The following ERBB4 variants were observed in gnomAD, a reference collection of about 807,000 sequenced individuals.
The protein encoded by ERBB4 is erb-b2 receptor tyrosine kinase 4.
A neutral mutation model predicts 158.0 loss-of-function variants in ERBB4; 42 were observed. The ratio of observed to expected loss-of-function variants is 0.27; its 90% confidence interval spans 0.21 to 0.34. The LOEUF is 0.34. ERBB4 is among the 10% of genes least tolerant of loss of function. The pLI, the probability that ERBB4 is intolerant of heterozygous loss-of-function variation, is 1.00. For missense variants in ERBB4, 1,333 were observed against 1,624.1 expected (o/e 0.82, Z 3.08); for synonymous variants, 583 against 558.7 (o/e 1.04, Z -0.61).
intron 1 of ERBB4, among the ~76,000 whole-genome samples, chr2:212,511,266 A>T (rs923951936): frequency 2.0e-5 from 3 of 152,126 alleles, no homozygotes; most frequent in Non-Finnish European, 2.9e-5. Context: ...ATTCCCTATT[A>T]GGCTTCCAAA....
chr2:212,073,562 G>C (rs1356047855), intron 2 of ERBB4, among the ~76,000 whole-genome samples: 1 of 151,898 alleles, frequency 6.6e-6, no homozygotes, highest in Non-Finnish European at 1.5e-5. Context: ...ATAAACACTA[G>C]TTCTCATTCA....
intron 20 of ERBB4, among the ~76,000 whole-genome samples, chr2:211,499,330 C>G (rs1168968421): frequency 6.6e-6 from 1 of 152,004 alleles, no homozygotes; most frequent in Non-Finnish European, 1.5e-5. Flanking sequence ...CGAGACCATC[C>G]TGGACAACAT....
intron 2 of ERBB4, among the ~76,000 whole-genome samples, chr2:212,045,871 T>C (rs983448284): frequency 6.6e-6 from 1 of 152,184 alleles, no homozygotes; most frequent in Admixed American, 6.5e-5. Flanking sequence ...ACCAGTAATA[T>C]ATATATCCTT....
chr2:211,923,893 T>C, intron 3 of ERBB4, among the ~76,000 whole-genome samples: 1 of 152,114 alleles, frequency 6.6e-6, no homozygotes, highest in East Asian at 1.9e-4. Context: ...AAGCTAATTT[T>C]GTATTTTGAG....
At chr2:211,440,215 G>A (rs2063943057) in intron 20 of ERBB4, among the ~76,000 whole-genome samples, 2 of 152,172 alleles carry the variant, frequency 1.3e-5, no homozygotes, top group South Asian at 2.1e-4. Flanking sequence ...GGTTACAATA[G>A]GAGAAGCGAA....
intron 2 of ERBB4, among the ~76,000 whole-genome samples, chr2:212,068,271 G>T (rs2125439910): frequency 6.6e-6 from 1 of 152,048 alleles, no homozygotes; most frequent in East Asian, 1.9e-4. Flanking sequence ...ACCTATAAAT[G>T]GCAACTGAGA....
intron 1 of ERBB4, among the ~76,000 whole-genome samples, chr2:212,293,701 A>T (rs1022204247): frequency 2.0e-5 from 3 of 152,062 alleles, no homozygotes; most frequent in Admixed American, 1.3e-4. Context: ...TACAAAAATT[A>T]GCTGGGCATG....
intron 25 of ERBB4, among the ~76,000 whole-genome samples, chr2:211,400,923 A>C (rs1316573870): frequency 6.6e-6 from 1 of 152,062 alleles, no homozygotes; most frequent in Non-Finnish European, 1.5e-5. Context: ...TACCCACAAA[A>C]ATTAAATATT....
intron 2 of ERBB4, among the ~76,000 whole-genome samples, chr2:212,092,759 T>C (rs1263436033): frequency 1.3e-5 from 2 of 151,920 alleles, no homozygotes; most frequent in Non-Finnish European, 2.9e-5. Context: ...TAAGTTGGAG[T>C]TGAACAATGA....
intron 18 of ERBB4, among the ~76,000 whole-genome samples, chr2:211,621,006 T>C: frequency 6.6e-6 from 1 of 152,094 alleles, no homozygotes; most frequent in Admixed American, 6.6e-5. Flanking sequence ...TCCCAGCTAC[T>C]CAGGAGGCTG....
intron 20 of ERBB4, among the ~76,000 whole-genome samples, chr2:211,442,111 G>A (rs2063992325): frequency 6.6e-6 from 1 of 151,906 alleles, no homozygotes; most frequent in Admixed American, 6.6e-5. Context: ...TCTTTTCTTG[G>A]AATTCTTCAC....
chr2:211,428,848 C>T (rs2063690716), intron 21 of ERBB4, among the ~76,000 whole-genome samples: 2 of 151,922 alleles, frequency 1.3e-5, no homozygotes, highest in African/African-American at 4.8e-5. Context: ...CTCTGAGTAG[C>T]CGGGACCACA....
At chr2:211,981,214 T>A (rs2081787074) in intron 2 of ERBB4, among the ~76,000 whole-genome samples, 1 of 152,126 alleles carries the variant, frequency 6.6e-6, no homozygotes, top group Non-Finnish European at 1.5e-5. Flanking sequence ...CACTCTTCCC[T>A]AAGAGCACCA....
chr2:211,771,644 T>C (rs1443392700), intron 4 of ERBB4, among the ~76,000 whole-genome samples: 1 of 152,200 alleles, frequency 6.6e-6, no homozygotes, highest in African/African-American at 2.4e-5. Context: ...ATGCTTTTTC[T>C]TTACAAATTT....
chr2:211,725,516 A>G (rs1010550587), intron 5 of ERBB4, among the ~76,000 whole-genome samples: 9 of 152,112 alleles, frequency 5.9e-5, no homozygotes, highest in South Asian at 2.1e-4. Flanking sequence ...AGACTGAGAC[A>G]GGAGGATTGC....
chr2:211,560,213 T>C (rs2067347598), intron 20 of ERBB4, among the ~76,000 whole-genome samples: 1 of 148,392 alleles, frequency 6.7e-6, no homozygotes, highest in Non-Finnish European at 1.5e-5. Context: ...ACCTAAATTG[T>C]AGAGACACAG....
chr2:212,093,064 G>T (rs2078827009), intron 2 of ERBB4, among the ~76,000 whole-genome samples: 2 of 152,132 alleles, frequency 1.3e-5, no homozygotes, highest in South Asian at 4.1e-4. Flanking sequence ...ACCAAATGTG[G>T]AGCTAGATGG....
chr2:211,857,095 AG>A (rs1453666557), intron 3 of ERBB4, among the ~76,000 whole-genome samples: 4 of 151,994 alleles, frequency 2.6e-5, no homozygotes, highest in Non-Finnish European at 4.4e-5. Context: ...TAACATTGCT[AG>A]GAAGTCCTAC....
chr2:211,893,495 C>T (rs1349876851), intron 3 of ERBB4, among the ~76,000 whole-genome samples: 1 of 141,050 alleles, frequency 7.1e-6, no homozygotes, highest in Non-Finnish European at 1.5e-5. Flanking sequence ...AGGACATAGG[C>T]ATGGGCAAGG....
Sources: gnomAD v4.1 joint callset for allele counts (sites outside exome capture counted in the v4.1 genomes callset) on GRCh38, gnomAD v4.1.1 for gene constraint, MANE v1.5 for transcripts, NCBI Gene and HGNC (gene_info 2026-07-23, HGNC 2026-07-21) for gene names.